SLC14A2: variants seen among roughly 807,000 people sequenced by gnomAD.
The protein encoded by SLC14A2 is solute carrier family 14 member 2.
In SLC14A2, 91 loss-of-function variants were observed where a neutral mutation model predicts 104.6. The ratio of observed to expected loss-of-function variants is 0.87; its 90% confidence interval spans 0.73 to 1.04. The LOEUF (loss-of-function observed/expected upper bound fraction) is 1.04, where lower values mean the gene tolerates loss of function less well. Ranked by LOEUF, SLC14A2 falls within the 50% of genes least tolerant of loss-of-function variation. The pLI is 0.00. For missense variants in SLC14A2, 1,189 were observed against 1,156.0 expected (o/e 1.03, Z -0.41); for synonymous variants, 476 against 466.4 (o/e 1.02, Z -0.27).
intron 1 of SLC14A2, among the ~76,000 whole-genome samples, chr18:45,220,139 T>C (rs1599583188): frequency 1.4e-5 from 2 of 144,170 alleles, no homozygotes; most frequent in African/African-American, 5.2e-5. Flanking sequence ...GCTGAAGTCA[T>C]TCCTAATAGA....
At chr18:45,258,759 C>A (rs747070656) in intron 1 of SLC14A2, among the ~76,000 whole-genome samples, 2 of 106,324 alleles carry the variant, frequency 1.9e-5, no homozygotes, top group Non-Finnish European at 4.0e-5. Context: ...GTACTGAGAT[C>A]ATTGATCCCC....
At chr18:45,568,617 A>G (rs114180320) in intron 2 of SLC14A2, among the ~76,000 whole-genome samples, 1,708 of 152,350 alleles carry the variant, frequency 0.011, 34 homozygotes, top group African/African-American at 0.039. Context: ...TATCCTTGGC[A>G]TGAGGTACCA....
At chr18:45,656,925 C>A (rs2045847557) in intron 10 of SLC14A2, among the ~76,000 whole-genome samples, 1 of 152,100 alleles carries the variant, frequency 6.6e-6, no homozygotes, top group Non-Finnish European at 1.5e-5. Context: ...ACTCATACCC[C>A]CACCTTCTTA....
At chr18:45,666,103 C>T (rs747794861) in intron 11 of SLC14A2, 34 bp from the exon 12 acceptor site, 1 of 1,497,094 alleles carries the variant, frequency 6.7e-7, no homozygotes, top group South Asian at 1.1e-5. Context: ...GTAGAGGTGT[C>T]CTAACTGATG....
chr18:45,648,049 T>C (rs1227511152), intron 10 of SLC14A2: 3 of 107,520 alleles, frequency 2.8e-5, no homozygotes, highest in Admixed American at 9.1e-5. Flanking sequence ...ACTATAATTG[T>C]ACTGTTTCAT....
At chr18:45,253,559 A>G (rs1379657212) in intron 1 of SLC14A2, among the ~76,000 whole-genome samples, 1 of 152,070 alleles carries the variant, frequency 6.6e-6, no homozygotes, top group African/African-American at 2.4e-5. Flanking sequence ...CACAGAGCCC[A>G]GGCACTTTAA....
At chr18:45,540,991 G>A (rs979077389) in intron 2 of SLC14A2, among the ~76,000 whole-genome samples, 30 of 152,146 alleles carry the variant, frequency 2.0e-4, no homozygotes, top group African/African-American at 7.2e-4. Flanking sequence ...TGAGGCTGAA[G>A]GACAAGGAGG....
At chr18:45,548,527 G>C (rs1430534578) in intron 2 of SLC14A2, among the ~76,000 whole-genome samples, 1 of 152,124 alleles carries the variant, frequency 6.6e-6, no homozygotes, top group Non-Finnish European at 1.5e-5. Context: ...AACAAAGTGA[G>C]ACCCTGTCTC....
chr18:45,292,572 G>C (rs927638558), intron 1 of SLC14A2, among the ~76,000 whole-genome samples: 1 of 152,164 alleles, frequency 6.6e-6, no homozygotes, highest in Admixed American at 6.5e-5. Context: ...TGTGGGGGCA[G>C]TTGTACCCAG....
At chr18:45,276,616 A>G (rs2144131738) in intron 1 of SLC14A2, among the ~76,000 whole-genome samples, 1 of 152,370 alleles carries the variant, frequency 6.6e-6, no homozygotes, top group South Asian at 2.1e-4. Context: ...TTGAACAAAA[A>G]TTTATTAGAC....
chr18:45,401,178 A>G (rs892384819), intron 1 of SLC14A2, among the ~76,000 whole-genome samples: 2 of 152,136 alleles, frequency 1.3e-5, no homozygotes, highest in Non-Finnish European at 2.9e-5. Flanking sequence ...TTTCCTGTTT[A>G]CACTATTTAA....
intron 1 of SLC14A2, among the ~76,000 whole-genome samples, chr18:45,397,059 T>C (rs927239531): frequency 3.3e-5 from 5 of 152,224 alleles, no homozygotes; most frequent in African/African-American, 1.2e-4. Flanking sequence ...CTTTATCCAG[T>C]CTGTCATTGA....
chr18:45,298,334 T>C (rs1473382682), intron 1 of SLC14A2, among the ~76,000 whole-genome samples: 2 of 152,198 alleles, frequency 1.3e-5, no homozygotes, highest in Non-Finnish European at 2.9e-5. Context: ...GAAATACCCA[T>C]TTATTTTAAG....
chr18:45,345,860 T>C (rs1447162195), intron 1 of SLC14A2, among the ~76,000 whole-genome samples: 1 of 152,222 alleles, frequency 6.6e-6, no homozygotes, highest in Admixed American at 6.5e-5. Context: ...ATAGAAAATG[T>C]GCATATTTAA....
rs1262304395 is a variant in SLC14A2, at chr18:45,216,571, A to T, written c.-125+3380A>T. ...TATTCTTCTCATCTAACCCAGTGTT[A>T]CAGAATCTCAGCACTCCTCTGTCCC... is the stretch of plus-strand genomic sequence containing the variant. On this transcript the variant is annotated intron_variant, in intron 1 of 20. Coordinates refer to the SLC14A2 transcript ENST00000586448. Among the ~76,000 whole-genome samples the T allele has an allele frequency of 4.6e-5, 7 of 152,268 alleles. No homozygotes were observed. In the East Asian group the frequency reaches 5.8e-4, roughly 13 times the overall value.
rs139829385 is a variant in SLC14A2, at chr18:45,632,369, C to A, written c.541C>A (p.Leu181Ile). The A allele has an allele frequency of 8.0e-4, 1,297 of 1,613,672 alleles. 1 individual carries two copies. The highest frequency in any genetic ancestry group is 1.0e-3 in the Non-Finnish European group (1,219 of 1,179,814). ...GQDRSAIASG[L>I]HGYNGMLVGL... ...CGCCAGGTCTGCCATTGCCTCAGGA[C>A]TCCATGGGTACAACGGGATGCTGGT... The change falls in exon 5 of 20, where the codon CTC becomes ATC. Residue 181 changes from leucine to isoleucine, a missense_variant. By Grantham distance (5) the Leu-to-Ile change is conservative. Coordinates refer to ENST00000255226, the MANE Select transcript of SLC14A2 (RefSeq NM_007163.4).
At chr18:45,568,588 A>G (rs979437692) in intron 2 of SLC14A2, among the ~76,000 whole-genome samples, 2 of 152,218 alleles carry the variant, frequency 1.3e-5, no homozygotes, top group East Asian at 1.9e-4. Flanking sequence ...CTGAGGCAAG[A>G]CTTCAGAAAG....
chr18:45,336,560 C>T (rs1193046346), intron 1 of SLC14A2, among the ~76,000 whole-genome samples: 1 of 152,092 alleles, frequency 6.6e-6, no homozygotes, highest in East Asian at 1.9e-4. Context: ...ATCAGTTTTC[C>T]CCCTGGATCT....
At chr18:45,530,119 C>T (rs1317421177) in intron 2 of SLC14A2, among the ~76,000 whole-genome samples, 3 of 152,164 alleles carry the variant, frequency 2.0e-5, no homozygotes, top group Non-Finnish European at 2.9e-5. Context: ...GCCATTCAAA[C>T]AACCCTTCTT....
Sources: gnomAD v4.1 joint callset for allele counts (sites outside exome capture counted in the v4.1 genomes callset) on GRCh38, gnomAD v4.1.1 for gene constraint, MANE v1.5 for transcripts, NCBI Gene and HGNC (gene_info 2026-07-23, HGNC 2026-07-21) for gene names.